TP63: variants seen among roughly 807,000 people sequenced by gnomAD.
The protein encoded by TP63 is tumor protein 63.
A neutral mutation model predicts 82.8 loss-of-function variants in TP63; 17 were observed. The observed-to-expected ratio is 0.21, with a 90% CI of 0.14 to 0.31. The LOEUF (loss-of-function observed/expected upper bound fraction) is 0.31, where lower values mean the gene tolerates loss of function less well. TP63 is among the 10% of genes least tolerant of loss of function. TP63 has a pLI of 1.00. For synonymous variants in TP63, 330 were observed against 321.7 expected (o/e 1.03, Z -0.28); for missense variants, 648 against 895.3 (o/e 0.72, Z 3.52).
chr3:189,732,702 T>G (rs1720263034), intron 1 of TP63, among the ~76,000 whole-genome samples: 1 of 152,188 alleles, frequency 6.6e-6, no homozygotes, highest in Non-Finnish European at 1.5e-5. Flanking sequence ...AAGCATGTCA[T>G]TAGCAGAACT....
At chr3:189,765,433 C>CTTGTTTTTTTTTTTTTTTTTTT (rs1722870655) in intron 3 of TP63, among the ~76,000 whole-genome samples, 1 of 30,088 alleles carries the variant, frequency 3.3e-5, no homozygotes, top group Non-Finnish European at 5.9e-5. Flanking sequence ...CTGTCCTCTG[C>CTTGTTTTTTTTTTTTTTTTTTT]TTTTTTTTTT....
intron 1 of TP63, among the ~76,000 whole-genome samples, chr3:189,684,224 C>A (rs769162307): frequency 1.3e-5 from 2 of 152,172 alleles, no homozygotes; most frequent in Non-Finnish European, 2.9e-5. Flanking sequence ...AGACACTTTT[C>A]TAGGTACCAG....
In TP63 at chr3:189,683,452, A is replaced by C. The variant is rs556297789; in HGVS notation, c.62+51875A>C. On this transcript the variant is annotated intron_variant, in intron 1 of 13. Coordinates refer to ENST00000264731, the MANE Select transcript of TP63 (RefSeq NM_003722.5). Reference sequence around the variant, plus strand: ...TAATGTTTTGATAATAATTTATAACATATGCTTAATTCATTCACTTTCTTT... The same window carrying C: ...TAATGTTTTGATAATAATTTATAACCTATGCTTAATTCATTCACTTTCTTT... Among the ~76,000 whole-genome samples, 20 of 152,342 alleles carry C rather than the reference A, an allele frequency of 1.3e-4. 1 individual carries two copies. The highest frequency in any genetic ancestry group is 1.2e-3 in the South Asian group (6 of 4,824).
At chr3:189,654,121 A>C (rs1713121715) in intron 1 of TP63, among the ~76,000 whole-genome samples, 1 of 152,162 alleles carries the variant, frequency 6.6e-6, no homozygotes, top group Non-Finnish European at 1.5e-5. Context: ...TTATTAGCCT[A>C]AGCTGAGAAA....
chr3:189,842,613 T>C (rs148751451), intron 4 of TP63, among the ~76,000 whole-genome samples: 34 of 152,262 alleles, frequency 2.2e-4, no homozygotes, highest in African/African-American at 7.9e-4. Flanking sequence ...AGATGTCCAG[T>C]AGTCAGGAAG....
intron 1 of TP63, among the ~76,000 whole-genome samples, chr3:189,657,850 C>G (rs1407556987): frequency 2.6e-5 from 4 of 151,990 alleles, no homozygotes; most frequent in South Asian, 4.2e-4. Flanking sequence ...CTGATGGCCT[C>G]GGAGGAGTGA....
intron 4 of TP63, among the ~76,000 whole-genome samples, chr3:189,859,343 AG>A (rs1716718415): frequency 6.6e-6 from 1 of 152,180 alleles, no homozygotes; most frequent in African/African-American, 2.4e-5. Context: ...TTAACTCAAA[AG>A]GTACAAAATA....
chr3:189,711,462 G>A (rs1031729778), intron 1 of TP63, among the ~76,000 whole-genome samples: 2 of 152,064 alleles, frequency 1.3e-5, no homozygotes, highest in African/African-American at 4.8e-5. Context: ...GCTGATGAGT[G>A]GTCCACTAGA....
At chr3:189,620,143 C>T in the TP63 span, among the ~76,000 whole-genome samples, 14 of 152,276 alleles carry the variant, frequency 9.2e-5, no homozygotes, top group South Asian at 1.5e-3. Context: ...GAGGCCGAGG[C>T]GGGCAGACCA....
chr3:189,753,862 A>G (rs539655118), intron 3 of TP63, among the ~76,000 whole-genome samples: 2 of 152,222 alleles, frequency 1.3e-5, no homozygotes, highest in Admixed American at 1.3e-4. Flanking sequence ...AATCTCATAG[A>G]AATTCATTAT....
At chr3:189,800,491 A>G (rs1199037636) in intron 3 of TP63, among the ~76,000 whole-genome samples, 5 of 148,182 alleles carry the variant, frequency 3.4e-5, no homozygotes, top group Non-Finnish European at 4.5e-5. Context: ...AAAAAAAAAG[A>G]AAAAAAAAGC....
intron 3 of TP63, among the ~76,000 whole-genome samples, chr3:189,782,591 G>A (rs566033435): frequency 6.6e-6 from 1 of 152,208 alleles, no homozygotes; most frequent in East Asian, 1.9e-4. Flanking sequence ...AAATTTATTT[G>A]GAATCTATCA....
In TP63 at chr3:189,738,648, A is replaced by G. The variant is rs142452541; in HGVS notation, c.198A>G (p.Ile66Met). The G allele has an allele frequency of 6.2e-7, 1 of 1,614,068 alleles. No individual in the cohort carries two copies. Among genetic ancestry groups the G allele is most frequent in the Non-Finnish European group, 8.5e-7 (1 of 1,179,976 alleles). ...TTTCTTTCCTATGTGTTAGGCCTAT[A>G]TGTTCAGTTCAGCCCATTGACTTGA... ...QHIWDFLEQP[I>M]CSVQPIDLNF... Residue 66 changes from isoleucine (I) to methionine (M), a missense_variant, in exon 3 of 14, where the codon ATA becomes ATG. Ile to Met is a conservative substitution (Grantham distance 10, BLOSUM62 1). Transcript: ENST00000264731.
At chr3:189,815,671 A>G (rs1728107861) in intron 4 of TP63, among the ~76,000 whole-genome samples, 1 of 152,196 alleles carries the variant, frequency 6.6e-6, no homozygotes, top group South Asian at 2.1e-4. Flanking sequence ...CACAGGCTGC[A>G]TGCCATCCTG....
chr3:189,770,216 G>C (rs144459291), intron 3 of TP63, among the ~76,000 whole-genome samples: 3 of 152,138 alleles, frequency 2.0e-5, no homozygotes, highest in East Asian at 3.9e-4. Context: ...CTTATCATTG[G>C]GGCACCATCC....
In TP63 at chr3:189,866,730, A is replaced by G; in HGVS notation, c.815A>G (p.His272Arg). 1 of 1,614,070 alleles carries G rather than the reference A, an allele frequency of 6.2e-7. No homozygotes were observed. The highest frequency in any genetic ancestry group is 8.5e-7 in the Non-Finnish European group (1 of 1,179,988). ...TTGATTCGAGTAGAGGGGAACAGCC[A>G]TGCCCAGTATGTAGAAGATCCCATC... ...SHLIRVEGNS[H>R]AQYVEDPITG... is the part of the protein sequence containing the mutation. The change falls in exon 6 of 14, where the codon CAT (histidine) becomes CGT (arginine). Residue 272 changes from histidine (H) to arginine (R), a missense_variant. His to Arg is a conservative substitution (Grantham distance 29). Coordinates refer to ENST00000264731, the MANE Select transcript of TP63 (RefSeq NM_003722.5).
intron 3 of TP63, among the ~76,000 whole-genome samples, chr3:189,796,749 A>T (rs1353747401): frequency 6.6e-6 from 1 of 152,036 alleles, no homozygotes; most frequent in African/African-American, 2.4e-5. Context: ...TGATTTCCTT[A>T]GTTGGTCTGA....
intron 4 of TP63, among the ~76,000 whole-genome samples, chr3:189,849,855 A>G (rs1414512614): frequency 6.6e-6 from 1 of 152,190 alleles, no homozygotes; most frequent in Middle Eastern, 3.2e-3. Context: ...GGTTTGGACA[A>G]GAGGTGCTAT....
At chr3:189,822,890 T>A (rs1577037418) in intron 4 of TP63, among the ~76,000 whole-genome samples, 2 of 152,012 alleles carry the variant, frequency 1.3e-5, no homozygotes, top group South Asian at 4.2e-4. Context: ...CAGCAGAAAA[T>A]GAATGGTCAG....
Sources: gnomAD v4.1 joint callset for allele counts (sites outside exome capture counted in the v4.1 genomes callset) on GRCh38, gnomAD v4.1.1 for gene constraint, MANE v1.5 for transcripts, NCBI Gene and HGNC (gene_info 2026-07-23, HGNC 2026-07-21) for gene names.